The following AQP4 variants were observed in gnomAD, a reference collection of about 807,000 sequenced individuals.
AQP4 encodes the protein aquaporin-4.
AQP4 carries 18 observed loss-of-function variants against 27.8 expected under a neutral mutation model. That is an observed-to-expected ratio of 0.65 (90% CI 0.45 to 0.96). AQP4 has a LOEUF of 0.96. Ranked by LOEUF, AQP4 falls within the 40% of genes least tolerant of loss-of-function variation. The pLI, the probability that AQP4 is intolerant of heterozygous loss-of-function variation, is 0.00. For synonymous variants in AQP4, 141 were observed against 142.9 expected (o/e 0.99, Z 0.10); for missense variants, 412 against 408.2 (o/e 1.01, Z -0.08).
intron 2 of AQP4, 24 bp from the exon 3 acceptor site, chr18:26,861,319 C>T (rs761927974): frequency 3.7e-6 from 6 of 1,608,000 alleles, no homozygotes; most frequent in African/African-American, 2.7e-5. Flanking sequence ...AATATTCCAT[C>T]AGAATTGAAG....
intron 1 of AQP4, among the ~76,000 whole-genome samples, chr18:26,863,739 G>T (rs1598518724): frequency 6.6e-6 from 1 of 152,188 alleles, no homozygotes; most frequent in African/African-American, 2.4e-5. Context: ...TGAGCAGAAG[G>T]CTCTATGGAA....
At chr18:26,859,753 G>T (rs1249674622) in intron 4 of AQP4, among the ~76,000 whole-genome samples, 1 of 152,120 alleles carries the variant, frequency 6.6e-6, no homozygotes, top group African/African-American at 2.4e-5. Context: ...ACATAGCAGC[G>T]GTGCATTTTC....
chr18:26,865,354 C>A, intron 1 of AQP4: 1 of 495,452 alleles, frequency 2.0e-6, no homozygotes, highest in Non-Finnish European at 3.7e-6. Flanking sequence ...GACAGCTGAG[C>A]GTCTGGGTGA....
chr18:26,861,331 A>G, intron 2 of AQP4, 36 bp from the exon 3 acceptor site: 1 of 1,597,066 alleles, frequency 6.3e-7, no homozygotes, highest in Admixed American at 1.7e-5. Flanking sequence ...GAATTGAAGC[A>G]AGAGTATTTT....
intron 4 of AQP4, among the ~76,000 whole-genome samples, chr18:26,857,153 C>T (rs577748545): frequency 2.6e-5 from 4 of 152,208 alleles, no homozygotes; most frequent in South Asian, 2.1e-4. Flanking sequence ...TGCTCCATTC[C>T]AGGCTTCCAA....
chr18:26,857,312 A>AATTATTATTATT (rs56990684), intron 4 of AQP4, among the ~76,000 whole-genome samples: 8 of 148,690 alleles, frequency 5.4e-5, no homozygotes, highest in African/African-American at 2.0e-4. Context: ...AATAAATGGA[A>AATTATTATTATT]ATTATTATTA....
In AQP4 at chr18:26,853,238, A is replaced by G. The variant is rs1332097861; in HGVS notation, c.*2973T>C. On this transcript the variant is annotated 3_prime_UTR_variant, in exon 5 of 5. Transcript: ENST00000383168. The stretch of plus-strand genomic sequence containing the variant: ...AAAAGATAGTATAAGGGTTTAGGAA[A>G]AGCATCAATGGCAGAAATAAAGTGT... 4.8e-6 allele frequency: 1 copy of G among 209,448 alleles called. No homozygotes were observed. Among genetic ancestry groups the G allele is most frequent in the African/African-American group, 2.3e-5 (1 of 43,952 alleles). The allele number at this position is 209,448 out of a possible 1,614,324, so 13.0% of individuals were successfully genotyped here. A position where few individuals can be genotyped will look rare whatever the true frequency, so the allele number is the denominator to read the frequency against.
chr18:26,865,468 A>G, intron 1 of AQP4, 190 bp downstream of exon 1: 1 of 738,432 alleles, frequency 1.4e-6, no homozygotes, highest in Non-Finnish European at 2.4e-6. Context: ...GCTAAAAAGC[A>G]TCCCTTTTCT....
At chr18:26,859,459 T>C (rs2054900481) in intron 4 of AQP4, among the ~76,000 whole-genome samples, 1 of 152,202 alleles carries the variant, frequency 6.6e-6, no homozygotes, top group African/African-American at 2.4e-5. Context: ...AGAAGGAGGT[T>C]GCAGCAAGCC....
chr18:26,860,684 T>C, intron 4 of AQP4, 88 bp downstream of exon 4: 1 of 1,161,878 alleles, frequency 8.6e-7, no homozygotes, highest in Non-Finnish European at 1.3e-6. Flanking sequence ...CAAGAGAAAG[T>C]AGTAGGCAAA....
chr18:26,859,752 C>T (rs778905500), intron 4 of AQP4, among the ~76,000 whole-genome samples: 4 of 152,108 alleles, frequency 2.6e-5, no homozygotes, highest in Non-Finnish European at 5.9e-5. Flanking sequence ...CACATAGCAG[C>T]GGTGCATTTT....
Position 26,861,177 on chromosome 18 carries a change from A to G in AQP4, c.566T>C (p.Ile189Thr), listed in dbSNP as rs140954190. ...DSKRTDVTGS[I>T]ALAIGFSVAI... ...AACAGAAAATCCAATTGCTAAAGCT[A>G]TTGAGCCAGTGACATCAGTCCGTTT... The change falls in exon 3 of 5, where the codon ATA becomes ACA. Residue 189 changes from isoleucine (I) to threonine (T), a missense_variant. Transcript: ENST00000383168. The G allele has an allele frequency of 7.2e-5, 116 of 1,614,036 alleles. No homozygotes were observed. The highest frequency in any genetic ancestry group is 1.6e-4 in the Middle Eastern group (1 of 6,084).
chr18:26,862,364 C>T lies in AQP4; in HGVS notation c.265G>A (p.Gly89Ser), dbSNP rs755985700. 4.3e-6 allele frequency: 7 copies of T among 1,614,038 alleles called. No individual in the cohort carries two copies. In the African/African-American group the frequency reaches 8.0e-5, roughly 18 times the overall value. ...TTGATGTGGCCACCGCTGATATGGC[C>T]AAAGCACTGCACCATGGTTGCAATG... ...LSIATMVQCF[G>S]HISGGHINPA... The change falls in exon 2 of 5, where the codon GGC becomes AGC. Residue 89 changes from glycine (G) to serine (S), a missense_variant. Gly to Ser is a moderately conservative substitution (Grantham distance 56). Coordinates refer to ENST00000383168, the MANE Select transcript of AQP4 (RefSeq NM_001650.7).
At chr18:26,859,414 G>A (rs1180576920) in intron 4 of AQP4, among the ~76,000 whole-genome samples, 4 of 152,234 alleles carry the variant, frequency 2.6e-5, no homozygotes, top group South Asian at 2.1e-4. Flanking sequence ...CCAGCTACTC[G>A]GGAGGCTGAG....
chr18:26,865,276 C>T (rs909268157), intron 1 of AQP4: 1 of 341,956 alleles, frequency 2.9e-6, no homozygotes, highest in South Asian at 2.7e-5. Flanking sequence ...CAGAACAAAG[C>T]GGGTTTGTTG....
At chr18:26,865,575 G>C in intron 1 of AQP4, 83 bp downstream of exon 1, 1 of 1,578,624 alleles carries the variant, frequency 6.3e-7, no homozygotes, top group South Asian at 1.1e-5. Flanking sequence ...TTCTGCCTAA[G>C]AAGGCACAAA....
At chr18:26,864,223 G>A (rs2055014574) in intron 1 of AQP4, among the ~76,000 whole-genome samples, 3 of 152,184 alleles carry the variant, frequency 2.0e-5, no homozygotes, top group Admixed American at 2.0e-4. Flanking sequence ...CCATGTCACT[G>A]AATGTTCCCG....
chr18:26,862,354 C>T lies in AQP4; in HGVS notation c.275G>A (p.Ser92Asn). 1.2e-6 allele frequency: 2 copies of T among 1,614,224 alleles called. No homozygotes were observed. The highest frequency in any genetic ancestry group is 1.7e-6 in the Non-Finnish European group (2 of 1,180,044). Residue 92 changes from serine to asparagine, a missense_variant, in exon 2 of 5, where the codon AGC becomes AAC. Physicochemically the swap from Ser to Asn is conservative, Grantham distance 46. Transcript: ENST00000383168. ...CACTGCAGGGTTGATGTGGCCACCG[C>T]TGATATGGCCAAAGCACTGCACCAT... ...ATMVQCFGHI[S>N]GGHINPAVTV...
chr18:26,862,485 A>C lies in AQP4; in HGVS notation c.144T>G (p.Phe48Leu), dbSNP rs769965179. 6.2e-7 allele frequency: 1 copy of C among 1,614,250 alleles called. No individual in the cohort carries two copies. The highest frequency in any genetic ancestry group is 8.5e-7 in the Non-Finnish European group (1 of 1,180,046). Residue 48 changes from phenylalanine (F) to leucine (L), a missense_variant, in exon 2 of 5, where the codon TTT becomes TTG. Physicochemically the swap from Phe to Leu is conservative, Grantham distance 22 (BLOSUM62 0). Coordinates refer to ENST00000383168, the MANE Select transcript of AQP4 (RefSeq NM_001650.7). ...VTAEFLAMLI[F>L]VLLSLGSTIN... ...TGGTGGATCCCAGGCTGAGGAGAACAAAAATAAGCATGGCCAGAAATTCCG... is the reference window on the plus strand; with the variant it reads ...TGGTGGATCCCAGGCTGAGGAGAACCAAAATAAGCATGGCCAGAAATTCCG...
Sources: gnomAD v4.1 joint callset for allele counts (sites outside exome capture counted in the v4.1 genomes callset) on GRCh38, gnomAD v4.1.1 for gene constraint, MANE v1.5 for transcripts, NCBI Gene and HGNC (gene_info 2026-07-23, HGNC 2026-07-21) for gene names.